The following SLC26A8 variants were observed in gnomAD, a reference collection of about 807,000 sequenced individuals.
The protein encoded by SLC26A8 is solute carrier family 26 member 8.
In SLC26A8, 70 loss-of-function variants were observed where a neutral mutation model predicts 105.0. The ratio of observed to expected loss-of-function variants is 0.67; its 90% CI spans 0.55 to 0.81. SLC26A8 has a LOEUF of 0.81. SLC26A8 is among the 40% of genes least tolerant of loss of function. The pLI is 0.00. For missense variants in SLC26A8, 998 were observed against 1,181.8 expected (o/e 0.84, Z 2.28); for synonymous variants, 415 against 438.3 (o/e 0.95, Z 0.66).
intron 5 of SLC26A8, among the ~76,000 whole-genome samples, chr6:35,995,265 G>A (rs1450768088): frequency 2.0e-5 from 3 of 152,036 alleles, no homozygotes; most frequent in Admixed American, 6.5e-5. Flanking sequence ...ATGGCATCAC[G>A]TTCAGTGTTA....
intron 7 of SLC26A8, among the ~76,000 whole-genome samples, chr6:35,985,667 T>G (rs1228211052): frequency 8.2e-6 from 1 of 121,328 alleles, no homozygotes; most frequent in African/African-American, 3.3e-5. Context: ...CACTCCAGCC[T>G]AGGAGACAGA....
chr6:35,950,351 G>C (rs113249230), intron 19 of SLC26A8, among the ~76,000 whole-genome samples: 1 of 150,766 alleles, frequency 6.6e-6, no homozygotes, highest in African/African-American at 2.4e-5. Context: ...GTGCAGTGGC[G>C]TGATCTCAGC....
chr6:35,971,879 C>T (rs1562034123), intron 10 of SLC26A8, among the ~76,000 whole-genome samples: 1 of 152,188 alleles, frequency 6.6e-6, no homozygotes. Context: ...TGACAGAAAC[C>T]TAATCTTGGA....
chr6:35,963,645 T>G (rs1772397948), intron 11 of SLC26A8, among the ~76,000 whole-genome samples: 1 of 152,220 alleles, frequency 6.6e-6, no homozygotes, highest in Admixed American at 6.5e-5. Flanking sequence ...TCTATCCCCT[T>G]CTGCTTCTGT....
rs1371468812 is a variant in SLC26A8 at position 35,995,349 on chromosome 6, T to C, written c.627+2389A>G. The stretch of plus-strand genomic sequence containing the variant: ...AGATGAAACCTATCTGCCATTCTTA[T>C]AGGAAGCCAGTACTAAATGTTGAAT... On this transcript the variant is annotated intron_variant, in intron 5 of 19. Transcript: ENST00000490799. Among the ~76,000 whole-genome samples the C allele has an allele frequency of 9.9e-5, 15 of 152,190 alleles. No homozygotes were observed. In the East Asian group the frequency reaches 2.5e-3, roughly 25 times the overall value.
At chr6:36,001,190 G>A (rs774713665) in intron 3 of SLC26A8, among the ~76,000 whole-genome samples, 45 of 151,842 alleles carry the variant, frequency 3.0e-4, no homozygotes, top group Non-Finnish European at 3.4e-4. Context: ...GTGCAGTGGC[G>A]CGATCTCGGC....
chr6:35,947,787 T>A (rs969899783), intron 19 of SLC26A8, among the ~76,000 whole-genome samples: 1 of 151,932 alleles, frequency 6.6e-6, no homozygotes, highest in Non-Finnish European at 1.5e-5. Flanking sequence ...AAATATTAGC[T>A]GGGCATAGTG....
At chr6:35,949,400 C>G (rs1177490179) in intron 19 of SLC26A8, among the ~76,000 whole-genome samples, 1 of 151,802 alleles carries the variant, frequency 6.6e-6, no homozygotes, top group African/African-American at 2.4e-5. Flanking sequence ...CCATTGCACT[C>G]CAGCCTGGGT....
chr6:36,013,776 T>G (rs1027770675), intron 2 of SLC26A8, among the ~76,000 whole-genome samples: 3 of 152,216 alleles, frequency 2.0e-5, no homozygotes, highest in African/African-American at 7.2e-5. Context: ...GGGATTTGAC[T>G]ACAACAACAA....
At chr6:36,018,965 T>C (rs1207700631) in intron 2 of SLC26A8, among the ~76,000 whole-genome samples, 1 of 152,160 alleles carries the variant, frequency 6.6e-6, no homozygotes, top group Non-Finnish European at 1.5e-5. Context: ...CTTGCTCTGT[T>C]GCCCAGGCTA....
intron 3 of SLC26A8, among the ~76,000 whole-genome samples, chr6:36,009,635 G>T (rs1259216559): frequency 1.3e-5 from 2 of 152,170 alleles, no homozygotes; most frequent in Non-Finnish European, 2.9e-5. Flanking sequence ...TGACTTTCTT[G>T]AAATGTTAAA....
At chr6:36,024,393 C>G in intron 1 of SLC26A8, 111 bp downstream of exon 1, 2 of 447,020 alleles carry the variant, frequency 4.5e-6, no homozygotes, top group South Asian at 3.1e-5. Context: ...ACTGAGTGCC[C>G]ACGGCGTGCC....
intron 16 of SLC26A8, among the ~76,000 whole-genome samples, chr6:35,956,033 C>A (rs1205920173): frequency 6.6e-6 from 1 of 152,054 alleles, no homozygotes; most frequent in Admixed American, 6.5e-5. Flanking sequence ...TTGAGCTCAG[C>A]AGTTTGAAAC....
Position 35,965,852 on chromosome 6 carries a change from G to A in SLC26A8, c.1365+3025C>T, listed in dbSNP as rs564507049. Among the ~76,000 whole-genome samples, 17 of 151,730 alleles carry A rather than the reference G, an allele frequency of 1.1e-4. No individual in the cohort carries two copies. The South Asian group carries it at 3.1e-3, about 28-fold the overall frequency. ...CTAAAAATGCAAAAATTAGCCAGGC[G>A]TGGTGGCAGGTGCCTGTAATCCCAG... On this transcript the variant is annotated intron_variant, in intron 11 of 19. Coordinates refer to ENST00000490799, the MANE Select transcript of SLC26A8 (RefSeq NM_052961.4).
intron 14 of SLC26A8, 82 bp downstream of exon 14, chr6:35,960,761 G>A (rs1772276470): frequency 7.5e-7 from 1 of 1,340,642 alleles, no homozygotes; most frequent in South Asian, 1.2e-5. Flanking sequence ...ACAATGGCAA[G>A]GGATTTTGTA....
intron 1 of SLC26A8, among the ~76,000 whole-genome samples, chr6:36,022,060 C>G (rs888277800): frequency 1.3e-5 from 2 of 152,122 alleles, no homozygotes; most frequent in South Asian, 4.1e-4. Context: ...CTCCACCTCC[C>G]AGGTTCAAGC....
At chr6:35,947,698 A>C (rs1771723508) in intron 19 of SLC26A8, among the ~76,000 whole-genome samples, 1 of 152,138 alleles carries the variant, frequency 6.6e-6, no homozygotes, top group Non-Finnish European at 1.5e-5. Flanking sequence ...TGGGAGGTGG[A>C]GGTGGGTGGA....
intron 17 of SLC26A8, among the ~76,000 whole-genome samples, chr6:35,952,051 G>A (rs533246555): frequency 6.6e-6 from 1 of 152,312 alleles, no homozygotes; most frequent in African/African-American, 2.4e-5. Context: ...GTGGGGAGCA[G>A]GAGGGAGAGC....
chr6:35,946,467 C>T (rs1771679510), intron 19 of SLC26A8, among the ~76,000 whole-genome samples: 1 of 152,120 alleles, frequency 6.6e-6, no homozygotes, highest in South Asian at 2.1e-4. Flanking sequence ...GAACTCCTGG[C>T]CTCAAGTGAT....
Sources: allele counts gnomAD v4.1 joint callset (sites outside exome capture counted in the v4.1 genomes callset), GRCh38; gene constraint gnomAD v4.1.1; transcripts MANE v1.5; gene names NCBI Gene and HGNC (gene_info 2026-07-23, HGNC 2026-07-21).